YTHDC2: variants seen among roughly 807,000 people sequenced by gnomAD.
YTHDC2 encodes the protein 3'-5' RNA helicase YTHDC2.
In YTHDC2, 45 loss-of-function variants were observed where a neutral mutation model predicts 174.9. The observed-to-expected ratio is 0.26, with a 90% CI of 0.20 to 0.33. The LOEUF (loss-of-function observed/expected upper bound fraction) is 0.33, where lower values mean the gene tolerates loss of function less well. Among genes scored for constraint, YTHDC2 ranks in the 10% least tolerant of loss-of-function variants. The probability of loss-of-function intolerance (pLI) is 1.00; values close to 1 mark genes in which losing one functional copy is unlikely to be tolerated. For missense variants in YTHDC2, 1,650 were observed against 1,723.7 expected (o/e 0.96, Z 0.76); for synonymous variants, 657 against 574.5 (o/e 1.14, Z -2.05).
intron 26 of YTHDC2, among the ~76,000 whole-genome samples, chr5:113,588,664 C>G (rs1037405960): frequency 6.6e-6 from 1 of 151,690 alleles, no homozygotes; most frequent in Admixed American, 6.6e-5. Flanking sequence ...ACTCTGCCAC[C>G]CAGGCTGGAG....
In YTHDC2 at chr5:113,579,577, C is replaced by A. The variant is rs767413379; in HGVS notation, c.3245-9C>A. On this transcript the variant is annotated splice_polypyrimidine_tract_variant and intron_variant, in intron 23 of 29. Coordinates refer to ENST00000161863, the MANE Select transcript of YTHDC2 (RefSeq NM_022828.5). ...AAAGTGATTTTTTTTTCATTATGTA[C>A]TTGGACAGTGGATGGCATTCCCAAT... 3 of 1,581,170 alleles carry A rather than the reference C, an allele frequency of 1.9e-6. No individual in the cohort carries two copies. The highest frequency in any genetic ancestry group is 2.3e-5 in the South Asian group (2 of 85,514).
chr5:113,579,493 G>A (rs1778263208), intron 23 of YTHDC2, 93 bp from the exon 24 acceptor site: 2 of 804,806 alleles, frequency 2.5e-6, no homozygotes, highest in East Asian at 5.7e-5. Flanking sequence ...TGTCAGGAGG[G>A]TTTGTGTATA....
chr5:113,593,422 T>C (rs567097155), intron 29 of YTHDC2, 32 bp downstream of exon 29: 3 of 1,509,350 alleles, frequency 2.0e-6, no homozygotes, highest in Non-Finnish European at 2.8e-6. Context: ...GTATTGGCAG[T>C]ATTTGTGATC....
At chr5:113,588,723 C>T (rs779195856) in intron 26 of YTHDC2, among the ~76,000 whole-genome samples, 5 of 151,638 alleles carry the variant, frequency 3.3e-5, no homozygotes, top group South Asian at 2.1e-4. Context: ...CCTGGGTTCA[C>T]GCCATTTTCC....
At chr5:113,538,128 G>C (rs772858535) in intron 7 of YTHDC2, among the ~76,000 whole-genome samples, 1 of 151,182 alleles carries the variant, frequency 6.6e-6, no homozygotes, top group African/African-American at 2.4e-5. Context: ...TGAGTTCTAC[G>C]GATTTTACCT....
intron 20 of YTHDC2, 125 bp from the exon 21 acceptor site, chr5:113,565,768 T>C (rs2112726928): frequency 5.5e-6 from 5 of 916,676 alleles, no homozygotes; most frequent in Non-Finnish European, 7.7e-6. Flanking sequence ...TCTTAGATTT[T>C]ATAGAAAATT....
chr5:113,563,442 C>T lies in YTHDC2; in HGVS notation c.2392C>T (p.Pro798Ser), dbSNP rs745985188. The T allele has an allele frequency of 6.2e-7, 1 of 1,611,100 alleles. No individual in the cohort carries two copies. The highest frequency in any genetic ancestry group is 8.5e-7 in the Non-Finnish European group (1 of 1,178,258). Residue 798 changes from proline to serine, a missense_variant, in exon 19 of 30, where the codon CCT (proline) becomes TCT (serine). Pro to Ser is a moderately conservative substitution (Grantham distance 74, BLOSUM62 -1). Transcript: ENST00000161863. ...CATTGCTGATTTTCTTATGAAAGCT[C>T]CTGAACCTCCACCAGCTTTAATTGT... ...CPIADFLMKA[P>S]EPPPALIVRN...
chr5:113,576,142 G>A (rs1281805322), intron 23 of YTHDC2, among the ~76,000 whole-genome samples: 3 of 152,068 alleles, frequency 2.0e-5, no homozygotes, highest in Admixed American at 1.3e-4. Context: ...CATTTTTGGA[G>A]CTCAGGGAAG....
intron 18 of YTHDC2, 148 bp from the exon 19 acceptor site, chr5:113,563,225 A>T: frequency 1.6e-6 from 1 of 614,510 alleles, no homozygotes; most frequent in Non-Finnish European, 2.5e-6. Context: ...CTCATCTTTT[A>T]CAGAAAGACA....
chr5:113,588,236 A>T (rs1778802044), intron 26 of YTHDC2, among the ~76,000 whole-genome samples: 1 of 151,968 alleles, frequency 6.6e-6, no homozygotes, highest in Admixed American at 6.6e-5. Flanking sequence ...CCTCCAGCAA[A>T]ATATTGTTCA....
chr5:113,520,751 C>G (rs1773809735), intron 2 of YTHDC2, among the ~76,000 whole-genome samples: 1 of 152,114 alleles, frequency 6.6e-6, no homozygotes, highest in Non-Finnish European at 1.5e-5. Context: ...CATTTGTGTA[C>G]TAGTGTGGAT....
chr5:113,522,608 G>C (rs1773953637), intron 2 of YTHDC2, among the ~76,000 whole-genome samples: 1 of 151,994 alleles, frequency 6.6e-6, no homozygotes, highest in African/African-American at 2.4e-5. Context: ...ATTTTGCTTT[G>C]TATAAAAGAT....
intron 2 of YTHDC2, among the ~76,000 whole-genome samples, chr5:113,519,988 C>G (rs964648810): frequency 6.6e-6 from 1 of 152,168 alleles, no homozygotes; most frequent in Non-Finnish European, 1.5e-5. Flanking sequence ...CACCTATCAA[C>G]TCATCAGCTA....
At chr5:113,536,324 G>A (rs1237217548) in intron 7 of YTHDC2, among the ~76,000 whole-genome samples, 1 of 152,212 alleles carries the variant, frequency 6.6e-6, no homozygotes, top group African/African-American at 2.4e-5. Context: ...AGGAGATGGA[G>A]ACCATCCTGG....
In YTHDC2 at chr5:113,553,171, TTTTTTTC is replaced by T. The variant is rs770540911; in HGVS notation, c.1689-9_1689-3del. On this transcript the variant is annotated splice_polypyrimidine_tract_variant and splice_region_variant and intron_variant, in intron 12 of 29. Transcript: ENST00000161863. ...ATTGACTTTGTCTTTTTTTTTTTTT[TTTTTTTC>T]AGTGCTACACTGGAATTTGGAAATC... 14 of 1,379,718 alleles carry T rather than the reference TTTTTTTC, an allele frequency of 1.0e-5. No individual in the cohort carries two copies. Among genetic ancestry groups the T allele is most frequent in the South Asian group, 1.7e-5 (1 of 57,280 alleles). The allele number at this position is 1,379,718 out of a possible 1,614,324, so 85.5% of individuals were successfully genotyped here.
At chr5:113,590,081 A>G (rs562265182) in intron 26 of YTHDC2, among the ~76,000 whole-genome samples, 1 of 152,298 alleles carries the variant, frequency 6.6e-6, no homozygotes, top group East Asian at 1.9e-4. Context: ...TCAGAGTCTC[A>G]AGATGACAAC....
rs753088069 is a variant in YTHDC2 at position 113,532,962 on chromosome 5, T to A, written c.759T>A (p.Ala253=). The part of the protein sequence containing the change: ...IFCTQPRRLA[A]IAVAERVAAE... ...GTACTCAACCAAGACGATTGGCAGCTATCGCTGTGGCTGAAAGAGTTGCCG... is the reference window on the plus strand; with the variant it reads ...GTACTCAACCAAGACGATTGGCAGCAATCGCTGTGGCTGAAAGAGTTGCCG... The change falls in exon 5 of 30, where the codon GCT becomes GCA. Residue 253 remains alanine (A), a synonymous_variant. Coordinates refer to ENST00000161863, the MANE Select transcript of YTHDC2 (RefSeq NM_022828.5). The A allele has an allele frequency of 6.2e-7, 1 of 1,614,232 alleles. No homozygotes were observed. The highest frequency in any genetic ancestry group is 1.7e-5 in the Admixed American group (1 of 60,030).
At chr5:113,563,322 G>T in intron 18 of YTHDC2, 51 bp from the exon 19 acceptor site, 1 of 1,479,904 alleles carries the variant, frequency 6.8e-7, no homozygotes. Context: ...TAAATGTGTA[G>T]GTTAGTATTC....
Position 113,593,579 on chromosome 5 carries a change from T to TA in YTHDC2, c.*107dup. ...GGGTGTGTGTTACGAATGGGCTTTT[T>TA]AACACTTTTAGAGTGTTGCTTTAGA... On this transcript the variant is annotated 3_prime_UTR_variant, in exon 30 of 30. Coordinates refer to ENST00000161863, the MANE Select transcript of YTHDC2 (RefSeq NM_022828.5). The TA allele has an allele frequency of 8.6e-6, 4 of 465,242 alleles. No homozygotes were observed. The highest frequency in any genetic ancestry group is 1.5e-5 in the Non-Finnish European group (4 of 258,088). 28.8% of individuals were successfully genotyped at this position (465,242 alleles called of 1,614,324 possible). A position where few individuals can be genotyped will look rare whatever the true frequency, so the allele number is the denominator to read the frequency against.
Sources: gnomAD v4.1 joint callset for allele counts (sites outside exome capture counted in the v4.1 genomes callset) on GRCh38, gnomAD v4.1.1 for gene constraint, MANE v1.5 for transcripts, NCBI Gene and HGNC (gene_info 2026-07-23, HGNC 2026-07-21) for gene names.